Variants in IFT81 observed in about 807,000 individuals in gnomAD.
IFT81 encodes intraflagellar transport protein 81 homolog.
IFT81 carries 72 observed loss-of-function variants against 102.6 expected under a neutral mutation model. That is an observed-to-expected ratio of 0.70 (90% CI 0.58 to 0.85). The LOEUF (loss-of-function observed/expected upper bound fraction) is 0.85. IFT81 is among the 40% of genes least tolerant of loss of function. The pLI, the probability that IFT81 is intolerant of heterozygous loss-of-function variation, is 0.00. For synonymous variants in IFT81, 237 were observed against 242.7 expected (o/e 0.98, Z 0.22); for missense variants, 723 against 787.3 (o/e 0.92, Z 0.98).
At chr12:110,135,111 C>T in intron 6 of IFT81, 98 bp downstream of exon 6, 1 of 937,872 alleles carries the variant, frequency 1.1e-6, no homozygotes, top group Non-Finnish European at 1.7e-6. Flanking sequence ...CATGAGTGTA[C>T]ATCTGAGGAT....
At chr12:110,134,863 A>G in intron 5 of IFT81, 85 bp from the exon 6 acceptor site, 1 of 894,780 alleles carries the variant, frequency 1.1e-6, no homozygotes, top group Non-Finnish European at 1.8e-6. Context: ...TGAAAATGTT[A>G]GATGCATAAT....
At chr12:110,175,817 T>C (rs1052827901) in intron 11 of IFT81, among the ~76,000 whole-genome samples, 5 of 152,196 alleles carry the variant, frequency 3.3e-5, no homozygotes, top group Non-Finnish European at 1.5e-5. Flanking sequence ...GTTTTATTTA[T>C]TTATTTATTT....
intron 12 of IFT81, among the ~76,000 whole-genome samples, chr12:110,187,423 C>T (rs527798312): frequency 2.6e-5 from 4 of 152,150 alleles, no homozygotes; most frequent in African/African-American, 7.2e-5. Flanking sequence ...ACCACCACAC[C>T]CGGCTAATTT....
At chr12:110,168,550 T>C (rs1422583459) in intron 11 of IFT81, 1 of 477,262 alleles carries the variant, frequency 2.1e-6, no homozygotes, top group Non-Finnish European at 2.7e-6. Flanking sequence ...CTGTTTATGG[T>C]CTGATTATGC....
At chr12:110,212,723 G>C (rs912473494) in intron 18 of IFT81, among the ~76,000 whole-genome samples, 1 of 151,934 alleles carries the variant, frequency 6.6e-6, no homozygotes, top group Non-Finnish European at 1.5e-5. Flanking sequence ...TGTAATCCCA[G>C]CTACTCAGGA....
chr12:110,206,728 T>C (rs531307143), intron 17 of IFT81, among the ~76,000 whole-genome samples: 7 of 151,404 alleles, frequency 4.6e-5, no homozygotes, highest in African/African-American at 1.7e-4. Context: ...AGAATCTGAA[T>C]TTTTTTTCAA....
intron 18 of IFT81, among the ~76,000 whole-genome samples, chr12:110,215,036 G>C (rs2137617569): frequency 6.6e-6 from 1 of 152,186 alleles, no homozygotes; most frequent in Middle Eastern, 3.4e-3. Flanking sequence ...AAAATTCTGT[G>C]TTGTTTTCTA....
chr12:110,186,349 CTT>C (rs1897530190), intron 12 of IFT81, among the ~76,000 whole-genome samples: 1 of 152,032 alleles, frequency 6.6e-6, no homozygotes, highest in Non-Finnish European at 1.5e-5. Flanking sequence ...TTTACTATGA[CTT>C]TTCTAGGTGT....
intron 14 of IFT81, among the ~76,000 whole-genome samples, chr12:110,201,106 T>TA (rs1898243288): frequency 1.3e-5 from 2 of 152,112 alleles, no homozygotes; most frequent in African/African-American, 2.4e-5. Flanking sequence ...TTTTTCTATT[T>TA]AAAAAAATTT....
In IFT81 at chr12:110,129,083, C is replaced by T. The variant is rs780385807; in HGVS notation, c.382C>T (p.Pro128Ser). The T allele has an allele frequency of 5.0e-6, 8 of 1,605,238 alleles. No individual in the cohort carries two copies. In the South Asian group the frequency reaches 6.7e-5, roughly 14 times the overall value. ...TCGTTTTTTAATAAAACTTGAGGTA[C>T]CAAGTGAGTTTCTTCAGGATGAAAC... ...LARFLIKLEV[P>S]SEFLQDETVA... The change falls in exon 4 of 19, where the codon CCA (proline) becomes TCA (serine). Residue 128 changes from proline (P) to serine (S), a missense_variant. By Grantham distance (74) the Pro-to-Ser change is moderately conservative. Transcript: ENST00000242591.
intron 18 of IFT81, among the ~76,000 whole-genome samples, chr12:110,209,463 G>A (rs982015710): frequency 7.9e-5 from 12 of 152,054 alleles, no homozygotes; most frequent in South Asian, 2.1e-4. Context: ...AATGTTCTGC[G>A]TTACAGTTTT....
At chr12:110,179,733 T>C (rs1182494148) in intron 11 of IFT81, among the ~76,000 whole-genome samples, 1 of 21,378 alleles carries the variant, frequency 4.7e-5, no homozygotes, top group Non-Finnish European at 7.3e-5. Context: ...ATTATATATA[T>C]ATATATATAT....
At chr12:110,181,085 C>T (rs7314552) in intron 12 of IFT81, among the ~76,000 whole-genome samples, 25,654 of 151,996 alleles carry the variant, frequency 0.17, 3,360 homozygotes, top group African/African-American at 0.37. Context: ...CTCAGGGTTT[C>T]CTTCATTTGG....
intron 11 of IFT81, among the ~76,000 whole-genome samples, chr12:110,178,313 C>A (rs1243627037): frequency 6.7e-6 from 1 of 148,752 alleles, no homozygotes; most frequent in East Asian, 2.0e-4. Flanking sequence ...ACTTGGGAGG[C>A]TGAGGCAGGA....
At chr12:110,176,192 T>A (rs1897027720) in intron 11 of IFT81, among the ~76,000 whole-genome samples, 2 of 152,062 alleles carry the variant, frequency 1.3e-5, no homozygotes, top group African/African-American at 4.8e-5. Flanking sequence ...CTCCCCCTAC[T>A]ACCCTGTGTC....
At chr12:110,151,808 CTG>C (rs2137394474) in intron 10 of IFT81, among the ~76,000 whole-genome samples, 1 of 152,254 alleles carries the variant, frequency 6.6e-6, no homozygotes, top group South Asian at 2.1e-4. Flanking sequence ...TCTTTCCAAT[CTG>C]TATACCTCCC....
intron 11 of IFT81, among the ~76,000 whole-genome samples, chr12:110,173,693 G>C (rs1483084405): frequency 6.6e-6 from 1 of 152,164 alleles, no homozygotes; most frequent in African/African-American, 2.4e-5. Context: ...TGAAACATGT[G>C]CTGTGTCCAC....
chr12:110,215,118 C>G (rs1224267695), intron 18 of IFT81, among the ~76,000 whole-genome samples: 1 of 152,114 alleles, frequency 6.6e-6, no homozygotes, highest in African/African-American at 2.4e-5. Flanking sequence ...TGGTTTGACT[C>G]TGGTCCTCAG....
At chr12:110,157,950 A>T (rs1268775213) in intron 10 of IFT81, among the ~76,000 whole-genome samples, 1 of 152,086 alleles carries the variant, frequency 6.6e-6, no homozygotes, top group Non-Finnish European at 1.5e-5. Context: ...CCACATCTTC[A>T]TGAGTTCTTT....
Sources: gnomAD v4.1 joint callset for allele counts (sites outside exome capture counted in the v4.1 genomes callset) on GRCh38, gnomAD v4.1.1 for gene constraint, MANE v1.5 for transcripts, NCBI Gene and HGNC (gene_info 2026-07-23, HGNC 2026-07-21) for gene names.